Variants in NAALADL2 observed in about 807,000 individuals in gnomAD.
NAALADL2 encodes the protein inactive N-acetylated-alpha-linked acidic dipeptidase-like protein 2.
A neutral mutation model predicts 87.2 loss-of-function variants in NAALADL2; 76 were observed. The ratio of observed to expected loss-of-function variants is 0.87; its 90% confidence interval spans 0.72 to 1.05. The LOEUF (loss-of-function observed/expected upper bound fraction) is 1.05. Among genes scored for constraint, NAALADL2 ranks in the 50% least tolerant of loss-of-function variants. NAALADL2 has a pLI of 0.00. For synonymous variants in NAALADL2, 354 were observed against 331.0 expected (o/e 1.07, Z -0.75); for missense variants, 1,089 against 945.8 (o/e 1.15, Z -1.99).
intron 11 of NAALADL2, among the ~76,000 whole-genome samples, chr3:175,636,081 C>T (rs1051569540): frequency 3.9e-5 from 6 of 152,040 alleles, no homozygotes; most frequent in Admixed American, 2.0e-4. Flanking sequence ...AAAGATTCCC[C>T]TACATGCACA....
chr3:174,669,787 T>A (rs1248480445), intron 2 of NAALADL2, among the ~76,000 whole-genome samples: 1 of 152,022 alleles, frequency 6.6e-6, no homozygotes, highest in East Asian at 1.9e-4. Context: ...GCCATTGTGA[T>A]TTTTGATACA....
At chr3:175,672,033 C>G (rs1734081311) in intron 11 of NAALADL2, among the ~76,000 whole-genome samples, 1 of 152,000 alleles carries the variant, frequency 6.6e-6, no homozygotes, top group African/African-American at 2.4e-5. Context: ...TAAAGTGTTA[C>G]CAAAAAAGAT....
chr3:175,221,783 T>C (rs1460164116), intron 2 of NAALADL2, among the ~76,000 whole-genome samples: 1 of 151,950 alleles, frequency 6.6e-6, no homozygotes, highest in Non-Finnish European at 1.5e-5. Flanking sequence ...ATTTATTTAT[T>C]TATTTTTTTG....
At chr3:175,734,391 A>G (rs747500942) in intron 11 of NAALADL2, among the ~76,000 whole-genome samples, 5 of 151,980 alleles carry the variant, frequency 3.3e-5, no homozygotes, top group Non-Finnish European at 7.4e-5. Flanking sequence ...CATCTCTACT[A>G]AAAATACAAA....
At chr3:175,226,951 A>G (rs1744243004) in intron 2 of NAALADL2, among the ~76,000 whole-genome samples, 1 of 152,138 alleles carries the variant, frequency 6.6e-6, no homozygotes, top group Non-Finnish European at 1.5e-5. Context: ...TGATTAGCAG[A>G]ATTTTACTAC....
At chr3:175,599,810 A>C (rs2149632728) in intron 10 of NAALADL2, among the ~76,000 whole-genome samples, 1 of 152,270 alleles carries the variant, frequency 6.6e-6, no homozygotes, top group East Asian at 1.9e-4. Context: ...TACTATATGT[A>C]CTAGTCAGCA....
At chr3:175,328,418 A>G (rs1761003375) in intron 5 of NAALADL2, among the ~76,000 whole-genome samples, 2 of 126,566 alleles carry the variant, frequency 1.6e-5, no homozygotes, top group African/African-American at 7.5e-5. Flanking sequence ...GTTCTACTGT[A>G]AAAAAAAAAA....
intron 4 of NAALADL2, among the ~76,000 whole-genome samples, chr3:175,280,330 G>T (rs1021386361): frequency 6.6e-6 from 1 of 152,052 alleles, no homozygotes; most frequent in Non-Finnish European, 1.5e-5. Flanking sequence ...CCAAGGAGAA[G>T]GCAGTTTACT....
intron 2 of NAALADL2, among the ~76,000 whole-genome samples, chr3:175,160,327 T>A (rs1488601924): frequency 6.8e-6 from 1 of 147,212 alleles, no homozygotes; most frequent in Non-Finnish European, 1.5e-5. Context: ...AGTAAAATTT[T>A]AAAAATATAT....
chr3:174,936,877 C>T (rs549485746), intron 1 of NAALADL2, among the ~76,000 whole-genome samples: 69 of 152,046 alleles, frequency 4.5e-4, no homozygotes, highest in African/African-American at 1.5e-3. Flanking sequence ...AGGAAACTTG[C>T]GAGGGAAATG....
intron 2 of NAALADL2, among the ~76,000 whole-genome samples, chr3:174,698,583 G>GAATCTATTGT (rs1560153083): frequency 1.0e-5 from 1 of 96,468 alleles, no homozygotes; most frequent in Non-Finnish European, 1.7e-5. Flanking sequence ...AAAATTTCAT[G>GAATCTATTGT]GCCGGGCGCG....
chr3:175,471,779 A>C lies in NAALADL2; in HGVS notation c.1653+21A>C, dbSNP rs192778573. On this transcript the variant is annotated intron_variant, in intron 9 of 13. Coordinates refer to ENST00000454872, the MANE Select transcript of NAALADL2 (RefSeq NM_207015.3). Reference sequence around the variant, plus strand: ...TAGAGGTAAGACAAACCACTATTGTATCAAATGATTATGCAAAACCGACCT... The same window carrying C: ...TAGAGGTAAGACAAACCACTATTGTCTCAAATGATTATGCAAAACCGACCT... The C allele has an allele frequency of 2.0e-4, 319 of 1,575,200 alleles. 2 individuals carry two copies. The East Asian group carries it at 6.9e-3, about 34-fold the overall frequency.
chr3:174,538,959 C>A (rs1721976254), intron 1 of NAALADL2, among the ~76,000 whole-genome samples: 1 of 152,130 alleles, frequency 6.6e-6, no homozygotes, highest in African/African-American at 2.4e-5. Flanking sequence ...GGCTCATGAC[C>A]TTTTGAGGTT....
At chr3:174,531,167 G>A (rs1721203105) in intron 1 of NAALADL2, among the ~76,000 whole-genome samples, 1 of 152,006 alleles carries the variant, frequency 6.6e-6, no homozygotes, top group Non-Finnish European at 1.5e-5. Flanking sequence ...TCTATGCATG[G>A]TGTATGTTTC....
At chr3:175,320,952 T>C (rs1267210035) in intron 4 of NAALADL2, among the ~76,000 whole-genome samples, 8 of 149,788 alleles carry the variant, frequency 5.3e-5, no homozygotes, top group African/African-American at 1.7e-4. Context: ...TTCCAATCAA[T>C]AGAAAAAGAG....
At chr3:174,861,898 ATTT>A (rs34752493) in intron 1 of NAALADL2, among the ~76,000 whole-genome samples, 22 of 145,332 alleles carry the variant, frequency 1.5e-4, no homozygotes, top group African/African-American at 4.3e-4. Flanking sequence ...TTGAGAACCC[ATTT>A]TTTTTTTTTC....
At chr3:175,030,475 T>A (rs73883315) in intron 1 of NAALADL2, among the ~76,000 whole-genome samples, 4,175 of 152,174 alleles carry the variant, frequency 0.027, 204 homozygotes, top group African/African-American at 0.096. Context: ...ATGTATCATG[T>A]AGACTAGAAA....
intron 1 of NAALADL2, among the ~76,000 whole-genome samples, chr3:175,088,245 C>T (rs1040805707): frequency 6.6e-6 from 1 of 152,128 alleles, no homozygotes; most frequent in Non-Finnish European, 1.5e-5. Context: ...GGATCTTACT[C>T]TTGGGTCCTT....
intron 2 of NAALADL2, among the ~76,000 whole-genome samples, chr3:174,637,411 T>A (rs1722755756): frequency 6.6e-6 from 1 of 152,084 alleles, no homozygotes; most frequent in Non-Finnish European, 1.5e-5. Flanking sequence ...ATGCATTTGA[T>A]AAATTTAATA....
Sources: allele counts gnomAD v4.1 joint callset (sites outside exome capture counted in the v4.1 genomes callset), GRCh38; gene constraint gnomAD v4.1.1; transcripts MANE v1.5; gene names NCBI Gene and HGNC (gene_info 2026-07-23, HGNC 2026-07-21).